The following PUM1 variants were observed in gnomAD, a reference collection of about 807,000 sequenced individuals.
PUM1 encodes pumilio homolog 1.
PUM1 carries 13 observed loss-of-function variants against 131.8 expected under a neutral mutation model. That is an observed-to-expected ratio of 0.10 (90% CI 0.06 to 0.16). PUM1 has a LOEUF of 0.16. PUM1 is among the 10% of genes least tolerant of loss of function. PUM1 has a pLI of 1.00. For missense variants in PUM1, 961 were observed against 1,512.4 expected, an observed-to-expected ratio of 0.64 and a Z score of 6.05; for synonymous variants, 509 against 556.5, an observed-to-expected ratio of 0.91 and a Z score of 1.20.
chr1:30,939,549 A>G (rs756774392), intron 20 of PUM1, among the ~76,000 whole-genome samples: 1 of 152,164 alleles, frequency 6.6e-6, no homozygotes, highest in Non-Finnish European at 1.5e-5. Context: ...CCCCAGTGCA[A>G]TTCTCTTCTT....
At chr1:31,034,383 A>T (rs1184789048) in intron 2 of PUM1, among the ~76,000 whole-genome samples, 1 of 152,218 alleles carries the variant, frequency 6.6e-6, no homozygotes, top group African/African-American at 2.4e-5. Flanking sequence ...TCACACCTGC[A>T]ATCACAGAAC....
chr1:31,016,294 T>C (rs1233901682), intron 3 of PUM1, among the ~76,000 whole-genome samples: 1 of 152,190 alleles, frequency 6.6e-6, no homozygotes, highest in African/African-American at 2.4e-5. Flanking sequence ...ATACCCAACC[T>C]GTAATAAACT....
At chr1:31,021,231 G>A (rs1199880794) in intron 3 of PUM1, among the ~76,000 whole-genome samples, 2 of 152,144 alleles carry the variant, frequency 1.3e-5, no homozygotes, top group African/African-American at 4.8e-5. Context: ...GCTTTTAAAT[G>A]TACATATTTG....
intron 2 of PUM1, among the ~76,000 whole-genome samples, chr1:31,030,591 G>A (rs552089166): frequency 6.6e-6 from 1 of 152,046 alleles, no homozygotes; most frequent in South Asian, 2.1e-4. Context: ...CACGCCTATG[G>A]TCCCAGCTAC....
At chr1:30,991,481 G>A (rs185016722) in intron 7 of PUM1, among the ~76,000 whole-genome samples, 2 of 152,022 alleles carry the variant, frequency 1.3e-5, no homozygotes, top group Admixed American at 6.5e-5. Context: ...GGTACAACAC[G>A]GCATAATAAT....
intron 21 of PUM1, 128 bp from the exon 22 acceptor site, chr1:30,933,470 A>ACACG: frequency 3.6e-6 from 3 of 841,434 alleles, no homozygotes; most frequent in South Asian, 1.5e-5. Flanking sequence ...ACACACACAC[A>ACACG]CACACACACA....
intron 21 of PUM1, among the ~76,000 whole-genome samples, 159 bp from the exon 22 acceptor site, chr1:30,933,501 T>G (rs940434046): frequency 3.5e-5 from 5 of 144,824 alleles, no homozygotes; most frequent in Non-Finnish European, 1.5e-5. Flanking sequence ...CAGCAATACC[T>G]TTCACTGGCT....
intron 21 of PUM1, among the ~76,000 whole-genome samples, chr1:30,933,892 T>G (rs996447397): frequency 6.6e-6 from 1 of 152,192 alleles, no homozygotes; most frequent in Admixed American, 6.5e-5. Flanking sequence ...CATGAGCTGG[T>G]GTGATTATCC....
intron 3 of PUM1, among the ~76,000 whole-genome samples, chr1:31,025,152 T>C (rs1402572106): frequency 6.6e-6 from 1 of 152,212 alleles, no homozygotes; most frequent in African/African-American, 2.4e-5. Context: ...CTATGAGTCC[T>C]TCAGCTAAGA....
intron 16 of PUM1, 61 bp from the exon 17 acceptor site, chr1:30,950,322 C>A: frequency 6.5e-7 from 1 of 1,547,164 alleles, no homozygotes; most frequent in Non-Finnish European, 8.8e-7. Context: ...CCAGAGAAAG[C>A]AAAGCATTCA....
Position 30,995,303 on chromosome 1 carries a change from G to T in PUM1, c.721-83C>A, listed in dbSNP as rs1641940783. 7.1e-6 allele frequency: 10 copies of T among 1,414,272 alleles called. No individual in the cohort carries two copies. The South Asian group carries it at 1.2e-4, about 17-fold the overall frequency. The allele number at this position is 1,414,272 out of a possible 1,614,324, so 87.6% of individuals were successfully genotyped here. On this transcript the variant is annotated intron_variant, in intron 5 of 21. Transcript: ENST00000426105. ...CCGTTGTGGGCACCAGACTACACTA[G>T]ATGCTACTCAGAAGAGGATAGTGTT... is the stretch of plus-strand genomic sequence containing the variant.
chr1:30,997,228 A>G (rs986259030), intron 5 of PUM1, among the ~76,000 whole-genome samples: 1 of 152,188 alleles, frequency 6.6e-6, no homozygotes, highest in African/African-American at 2.4e-5. Flanking sequence ...AAATGGAAAG[A>G]AAGGGCCAGG....
chr1:31,034,945 A>G (rs916510322), intron 2 of PUM1, among the ~76,000 whole-genome samples: 1 of 152,206 alleles, frequency 6.6e-6, no homozygotes, highest in African/African-American at 2.4e-5. Flanking sequence ...GAGAAACTTG[A>G]GCAATGAGAA....
chr1:30,941,192 G>C lies in PUM1; in HGVS notation c.3201C>G (p.Ile1067Met). 1 of 1,613,684 alleles carries C rather than the reference G, an allele frequency of 6.2e-7. No individual in the cohort carries two copies. Among genetic ancestry groups the C allele is most frequent in the Non-Finnish European group, 8.5e-7 (1 of 1,179,776 alleles). The change falls in exon 20 of 22, where the codon ATC becomes ATG. Residue 1067 changes from isoleucine to methionine, a missense_variant. This residue lies in a region of PUM1 where 178 missense variants were observed against 327.5 expected (regional missense o/e 0.54). Coordinates refer to ENST00000426105, the MANE Select transcript of PUM1 (RefSeq NM_001020658.2). Reference sequence around the variant, plus strand: ...GACTCAATACAAGTACATTGCCTCGGATTTCTGCTACAATTTTGCTTTTAT... The same window carrying C: ...GACTCAATACAAGTACATTGCCTCGCATTTCTGCTACAATTTTGCTTTTAT... ...PEDKSKIVAE[I>M]RGNVLVLSQH...
intron 7 of PUM1, among the ~76,000 whole-genome samples, chr1:30,991,488 T>C (rs1641790290): frequency 6.6e-6 from 1 of 152,196 alleles, no homozygotes; most frequent in Non-Finnish European, 1.5e-5. Context: ...CACGGCATAA[T>C]AATCTCCAAA....
rs571622397 is a variant in PUM1 at position 31,059,357 on chromosome 1, T to G, written c.210A>C (p.Gly70=). 3 of 1,613,996 alleles carry G rather than the reference T, an allele frequency of 1.9e-6. No individual in the cohort carries two copies. Among genetic ancestry groups the G allele is most frequent in the Admixed American group, 1.7e-5 (1 of 59,974 alleles). Residue 70 remains glycine (G), a synonymous_variant, in exon 2 of 22, where the codon GGA becomes GGC. Coordinates refer to ENST00000426105, the MANE Select transcript of PUM1 (RefSeq NM_001020658.2). ...CGTCGTCCTGGGAACGGCCTGCAAC[T>G]CCTATAGATCCTGGGACAGGGCTGG... ...THSSPVPGSI[G]VAGRSQDDAM... is the part of the protein sequence containing the mutation.
intron 3 of PUM1, among the ~76,000 whole-genome samples, chr1:31,012,213 TAAA>T (rs11372153): frequency 6.8e-6 from 1 of 147,458 alleles, no homozygotes; most frequent in Non-Finnish European, 1.5e-5. Flanking sequence ...TTTTTTTCCT[TAAA>T]AAAAAAAAAT....
intron 2 of PUM1, among the ~76,000 whole-genome samples, chr1:31,029,290 T>C (rs1425985325): frequency 6.6e-6 from 1 of 152,210 alleles, no homozygotes; most frequent in African/African-American, 2.4e-5. Flanking sequence ...GGGAGTGCAT[T>C]TGATTCAATC....
At chr1:31,001,192 AT>A (rs1353827956) in intron 5 of PUM1, among the ~76,000 whole-genome samples, 6 of 151,802 alleles carry the variant, frequency 4.0e-5, no homozygotes, top group African/African-American at 1.5e-4. Context: ...TCAAAAAAAA[AT>A]AAAAATAAAA....
Sources: allele counts gnomAD v4.1 joint callset (sites outside exome capture counted in the v4.1 genomes callset), GRCh38; gene constraint gnomAD v4.1.1; regional missense constraint gnomAD v4.1.1; transcripts MANE v1.5; gene names NCBI Gene and HGNC (gene_info 2026-07-23, HGNC 2026-07-21).